TBCD: variants seen among roughly 807,000 people sequenced by gnomAD.
The protein encoded by TBCD is tubulin-specific chaperone D.
In TBCD, 105 loss-of-function variants were observed where a neutral mutation model predicts 169.3. The observed-to-expected ratio is 0.62, with a 90% CI of 0.53 to 0.73. The LOEUF is 0.73. Ranked by LOEUF, TBCD falls within the 30% of genes least tolerant of loss-of-function variation. The probability of loss-of-function intolerance (pLI) is 0.00; values close to 1 mark genes in which losing one functional copy is unlikely to be tolerated. For missense variants in TBCD, 1,444 were observed against 1,600.1 expected, an observed-to-expected ratio of 0.90 and a Z score of 1.66; for synonymous variants, 700 against 643.9, an observed-to-expected ratio of 1.09 and a Z score of -1.32.
chr17:82,837,586 C>T (rs578055145), intron 13 of TBCD, among the ~76,000 whole-genome samples: 20 of 152,182 alleles, frequency 1.3e-4, no homozygotes, highest in Admixed American at 2.6e-4. Flanking sequence ...TCATTATCTG[C>T]TTTCATTTGA....
intron 13 of TBCD, chr17:82,840,646 AG>A (rs1159854015): frequency 3.3e-5 from 5 of 152,286 alleles, no homozygotes; most frequent in African/African-American, 1.2e-4. Context: ...GCTGCGGAGC[AG>A]GGTGTGTGGG....
intron 15 of TBCD, among the ~76,000 whole-genome samples, chr17:82,887,396 A>G (rs1470177547): frequency 1.3e-5 from 2 of 151,964 alleles, no homozygotes; most frequent in Non-Finnish European, 2.9e-5. Context: ...TGCTGTGTAA[A>G]TGGACTCTGT....
Position 82,930,425 on chromosome 17 carries a change from T to C in TBCD, c.2992-97T>C. 6.6e-7 allele frequency: 1 copy of C among 1,505,584 alleles called. No individual in the cohort carries two copies. The highest frequency in any genetic ancestry group is 8.9e-7 in the Non-Finnish European group (1 of 1,125,104). The allele number at this position is 1,505,584 out of a possible 1,614,324, so 93.3% of individuals were successfully genotyped here. A position where few individuals can be genotyped will look rare whatever the true frequency, so the allele number is the denominator to read the frequency against. ...TTCGCGTCTCTGCAGCTCGGAGCAG[T>C]TCTGCTCTTCAGCAGATGCTTGACC... On this transcript the variant is annotated intron_variant, in intron 32 of 38. Transcript: ENST00000355528. This position sits in a 1 kb window ranked among gnomAD's most constrained non-coding sequence, Gnocchi z 5.2.
chr17:82,813,569 G>GTT (rs2051625434), intron 12 of TBCD, among the ~76,000 whole-genome samples: 1 of 152,192 alleles, frequency 6.6e-6, no homozygotes, highest in African/African-American at 2.4e-5. Context: ...CAGTGAACAC[G>GTT]TGTCTGATTT....
At chr17:82,855,441 T>C (rs895599945) in intron 13 of TBCD, among the ~76,000 whole-genome samples, 1 of 151,656 alleles carries the variant, frequency 6.6e-6, no homozygotes, top group Non-Finnish European at 1.5e-5. Flanking sequence ...TAATTTTTTT[T>C]ATCTTTTGAA....
At chr17:82,933,780 T>G (rs1053282327) in intron 34 of TBCD, among the ~76,000 whole-genome samples, 3 of 152,050 alleles carry the variant, frequency 2.0e-5, no homozygotes, top group African/African-American at 7.2e-5. Flanking sequence ...CCTGGCTGAT[T>G]GTTTGTATTG....
At chr17:82,860,883 C>T (rs1171608948) in intron 13 of TBCD, among the ~76,000 whole-genome samples, 3 of 152,346 alleles carry the variant, frequency 2.0e-5, no homozygotes, top group East Asian at 1.9e-4. Flanking sequence ...CACTGGGACA[C>T]GGCCATTGCA....
chr17:82,912,403 A>ATT (rs145754070), intron 23 of TBCD, among the ~76,000 whole-genome samples: 15,429 of 152,214 alleles, frequency 0.1, 1,076 homozygotes, highest in South Asian at 0.3. Flanking sequence ...CGTAGAACAC[A>ATT]TTTTAGACTG....
intron 13 of TBCD, among the ~76,000 whole-genome samples, chr17:82,848,026 C>T (rs1475382723): frequency 6.6e-6 from 1 of 152,158 alleles, no homozygotes; most frequent in Non-Finnish European, 1.5e-5. Context: ...TTTTTCCTAC[C>T]AAGGCCCCTC....
intron 1 of TBCD, among the ~76,000 whole-genome samples, chr17:82,753,770 C>T (rs1281905166): frequency 2.0e-5 from 3 of 151,234 alleles, no homozygotes; most frequent in East Asian, 2.0e-4. Flanking sequence ...GTTCTTTCTG[C>T]GGGCTGCCCA....
At chr17:82,760,814 A>G (rs2047714319) in intron 2 of TBCD, among the ~76,000 whole-genome samples, 1 of 151,702 alleles carries the variant, frequency 6.6e-6, no homozygotes, top group Non-Finnish European at 1.5e-5. Context: ...CGCAGTAACC[A>G]CTCATCTGGC....
In TBCD at chr17:82,799,441, CA is replaced by C. The variant is rs61017445; in HGVS notation, c.818-1401del. 2.1e-3 allele frequency among the ~76,000 whole-genome samples: 152 copies of C among 72,610 alleles called. No homozygotes were observed. The East Asian group carries it at 0.023, about 11-fold the overall frequency. 47.6% of individuals were successfully genotyped at this position (72,610 alleles called of 152,430 possible). ...CTGGCGACAGAGCAAGACTCTGTCT[CA>C]AAAAAAAAAAAAAAAAAAAAAGAAA... is the stretch of plus-strand genomic sequence containing the variant. On this transcript the variant is annotated intron_variant, in intron 8 of 38. Transcript: ENST00000355528.
chr17:82,920,399 G>C lies in TBCD; in HGVS notation c.2039-157G>C, dbSNP rs1373777958. The stretch of plus-strand genomic sequence containing the variant: ...GGCTTCTCATGGTGGTTCTGAAATG[G>C]TTCTGGGATGTTTCCAGCCCTGGCA... On this transcript the variant is annotated intron_variant, in intron 23 of 38. Coordinates refer to ENST00000355528, the MANE Select transcript of TBCD (RefSeq NM_005993.5). This position sits in a 1 kb window ranked among gnomAD's most constrained non-coding sequence, Gnocchi z 4.1. 1 of 672,368 alleles carries C rather than the reference G, an allele frequency of 1.5e-6. No homozygotes were observed. The highest frequency in any genetic ancestry group is 1.8e-5 in the African/African-American group (1 of 54,712). The allele number at this position is 672,368 out of a possible 1,614,324, so 41.7% of individuals were successfully genotyped here. A position where few individuals can be genotyped will look rare whatever the true frequency, so the allele number is the denominator to read the frequency against.
chr17:82,810,922 A>G (rs1163775672), intron 12 of TBCD, among the ~76,000 whole-genome samples: 1 of 152,182 alleles, frequency 6.6e-6, no homozygotes, highest in Non-Finnish European at 1.5e-5. Flanking sequence ...CTGCTCAGTG[A>G]CAATTTCAGG....
chr17:82,795,010 G>A (rs1353378953), intron 7 of TBCD, among the ~76,000 whole-genome samples: 1 of 152,212 alleles, frequency 6.6e-6, no homozygotes, highest in Non-Finnish European at 1.5e-5. Flanking sequence ...GTGGAAGCTG[G>A]GCTGGGCCTT....
chr17:82,902,246 C>A (rs1213381562), intron 18 of TBCD, among the ~76,000 whole-genome samples: 1 of 152,210 alleles, frequency 6.6e-6, no homozygotes, highest in Non-Finnish European at 1.5e-5. Flanking sequence ...AGTTGGCAAG[C>A]CTTTTCTTTG....
At chr17:82,829,129 A>C (rs545383431) in intron 13 of TBCD, among the ~76,000 whole-genome samples, 1 of 151,718 alleles carries the variant, frequency 6.6e-6, no homozygotes, top group Admixed American at 6.6e-5. Context: ...GCACACGTGC[A>C]CACCCACACA....
Position 82,944,066 on chromosome 17 carries a change from C to G in TBCD, c.*1603C>G, listed in dbSNP as rs1032272769. The G allele has an allele frequency of 2.0e-5, 3 of 152,252 alleles. No individual in the cohort carries two copies. Among genetic ancestry groups the G allele is most frequent in the Admixed American group, 2.0e-4 (3 of 15,284 alleles). 9.4% of individuals were successfully genotyped at this position (152,252 alleles called of 1,614,324 possible). ...TGGGATGCACTGAGGATGGAAGGAACAAGTGGCTTCTGAGAAAAACATGAT... is the reference window on the plus strand; with the variant it reads ...TGGGATGCACTGAGGATGGAAGGAAGAAGTGGCTTCTGAGAAAAACATGAT... On this transcript the variant is annotated 3_prime_UTR_variant, in exon 39 of 39. Coordinates refer to ENST00000355528, the MANE Select transcript of TBCD (RefSeq NM_005993.5).
chr17:82,942,104 C>T, intron 38 of TBCD: 1 of 431,150 alleles, frequency 2.3e-6, no homozygotes, highest in Non-Finnish European at 4.1e-6. Flanking sequence ...CAGCCTCCCC[C>T]ATTTCTGTGT....
Sources: allele counts gnomAD v4.1 joint callset (sites outside exome capture counted in the v4.1 genomes callset), GRCh38; gene constraint gnomAD v4.1.1; non-coding constraint Gnocchi (gnomAD v3.1); transcripts MANE v1.5; gene names NCBI Gene and HGNC (gene_info 2026-07-23, HGNC 2026-07-21).